Variants in POLN observed in about 807,000 individuals in gnomAD.
The protein encoded by POLN is DNA polymerase N.
Under a neutral mutation model 113.5 loss-of-function variants are expected in POLN, and 108 were observed. The ratio of observed to expected loss-of-function variants is 0.95; its 90% CI spans 0.81 to 1.12. POLN has a LOEUF of 1.12. Ranked by LOEUF, POLN falls within the 50% of genes most tolerant of loss-of-function variation. POLN has a pLI of 0.00. For synonymous variants in POLN, 386 were observed against 391.5 expected (o/e 0.99, Z 0.17); for missense variants, 1,097 against 1,077.1 (o/e 1.02, Z -0.26).
intron 2 of POLN, among the ~76,000 whole-genome samples, chr4:2,235,175 C>T (rs530073758): frequency 5.3e-5 from 8 of 152,360 alleles, no homozygotes; most frequent in African/African-American, 1.9e-4. Flanking sequence ...TGAGCCACCG[C>T]ACCCAGCCTA....
At position 2,155,578 on chromosome 4, in the gene POLN, GAC is replaced by G. The variant is rs57190737; in HGVS notation, c.1731+1208_1731+1209del. On this transcript the variant is annotated intron_variant, in intron 16 of 25. Transcript: ENST00000511885. ...CTTAATGGAGGGAACCCACGGGACA[GAC>G]ACATGTTACGGAGGGAAGGGAAAGA... Among the ~76,000 whole-genome samples the G allele has an allele frequency of 5.8e-3, 888 of 152,286 alleles. 6 individuals are homozygous for G. Among genetic ancestry groups the G allele is most frequent in the African/African-American group, 0.02 (850 of 41,546 alleles).
intron 5 of POLN, among the ~76,000 whole-genome samples, chr4:2,203,696 C>T (rs1172030256): frequency 6.6e-6 from 1 of 151,930 alleles, no homozygotes; most frequent in Non-Finnish European, 1.5e-5. Flanking sequence ...TCTAAGGTCA[C>T]ACCTCAAGGA....
rs529767729 is a variant in POLN, at chr4:2,080,807, C to T, written c.2387+151G>A. 5.2e-6 allele frequency: 8 copies of T among 1,524,348 alleles called. No homozygotes were observed. The South Asian group carries it at 7.6e-5, about 14-fold the overall frequency. The allele number at this position is 1,524,348 out of a possible 1,614,324, so 94.4% of individuals were successfully genotyped here. A position where few individuals can be genotyped will look rare whatever the true frequency, so the allele number is the denominator to read the frequency against. ...TGTCTGCATGCCTGCTGTGAGTAGC[C>T]CCCAGGGCCTTCCATGGGCTGAGAG... On this transcript the variant is annotated intron_variant, in intron 23 of 25. Transcript: ENST00000511885.
At position 2,072,218 on chromosome 4, in the gene POLN, C is replaced by CT; in HGVS notation, c.2598dup (p.Gly867ArgfsTer6). On this transcript the variant is annotated frameshift_variant, in exon 26 of 26. Transcript: ENST00000511885. LOFTEE classifies it low-confidence loss of function (END_TRUNC). ...CTGGGAGACTCAGTGCGACATGGGC[C>CT]TGGCGGAGGGCCCCAGGCCTCCTGC... 1 of 1,606,378 alleles carries CT rather than the reference C, an allele frequency of 6.2e-7. No individual in the cohort carries two copies. The highest frequency in any genetic ancestry group is 8.5e-7 in the Non-Finnish European group (1 of 1,175,656).
In POLN at chr4:2,188,736, T is replaced by A. The variant is rs1040212726; in HGVS notation, c.1021+4468A>T. 2.1e-5 allele frequency among the ~76,000 whole-genome samples: 3 copies of A among 141,332 alleles called. 1 individual carries two copies. The highest frequency in any genetic ancestry group is 1.4e-4 in the Admixed American group (2 of 14,598). 92.7% of individuals were successfully genotyped at this position (141,332 alleles called of 152,430 possible). On this transcript the variant is annotated intron_variant, in intron 7 of 25. Transcript: ENST00000511885. ...AACTCAGCATACTCTAACACTGAAA[T>A]TGTGGTATGCAATCCACCATAACTC... is the stretch of plus-strand genomic sequence containing the variant.
At chr4:2,239,103 G>T in intron 2 of POLN, 1 of 909,790 alleles carries the variant, frequency 1.1e-6, no homozygotes, top group Non-Finnish European at 1.6e-6. Context: ...ATCATCTTAA[G>T]ATTATTTTCA....
intron 5 of POLN, among the ~76,000 whole-genome samples, 167 bp downstream of exon 5, chr4:2,207,820 G>T (rs1386997544): frequency 6.6e-6 from 1 of 152,218 alleles, no homozygotes; most frequent in Non-Finnish European, 1.5e-5. Context: ...CAGTTTTACA[G>T]TTTCCTAAGA....
At chr4:2,217,902 C>A (rs1236697685) in intron 3 of POLN, among the ~76,000 whole-genome samples, 1 of 152,230 alleles carries the variant, frequency 6.6e-6, no homozygotes, top group African/African-American at 2.4e-5. Flanking sequence ...CCAGAGATGC[C>A]TATCAGGTGT....
intron 2 of POLN, among the ~76,000 whole-genome samples, chr4:2,234,714 A>G (rs929245954): frequency 6.6e-6 from 1 of 152,236 alleles, no homozygotes; most frequent in African/African-American, 2.4e-5. Context: ...AGACAAAACA[A>G]TATCAAGAGA....
intron 5 of POLN, among the ~76,000 whole-genome samples, chr4:2,199,589 T>G (rs1392021219): frequency 2.0e-5 from 3 of 152,168 alleles, no homozygotes; most frequent in Non-Finnish European, 4.4e-5. Flanking sequence ...TATTTTATTT[T>G]TTTTAGACAT....
intron 20 of POLN, chr4:2,090,147 A>C: frequency 9.9e-7 from 1 of 1,008,154 alleles, no homozygotes; most frequent in Non-Finnish European, 1.4e-6. Context: ...TTTGAACATT[A>C]TCAGCTGAAA....
intron 19 of POLN, among the ~76,000 whole-genome samples, chr4:2,109,012 A>T (rs1731132448): frequency 6.6e-6 from 1 of 151,886 alleles, no homozygotes; most frequent in African/African-American, 2.4e-5. Flanking sequence ...GCTGCTTTGG[A>T]GGGTTTGTAG....
Position 2,147,643 on chromosome 4 carries a change from C to CTTTTTTTTTTTTT in POLN, c.1731+9132_1731+9144dup, listed in dbSNP as rs747184067. 8.6e-3 allele frequency among the ~76,000 whole-genome samples: 681 copies of CTTTTTTTTTTTTT among 79,174 alleles called. 32 individuals carry two copies. Among genetic ancestry groups the CTTTTTTTTTTTTT allele is most frequent in the Non-Finnish European group, 9.8e-3 (382 of 38,956 alleles). The allele number at this position is 79,174 out of a possible 152,430, so 51.9% of individuals were successfully genotyped here. ...AGATCAGACATCCAGTTTTTCTTTT[C>CTTTTTTTTTTTTT]TTTTTTTTTTTTTTTTGAGACAAAG... On this transcript the variant is annotated intron_variant, in intron 16 of 25. Coordinates refer to ENST00000511885, the MANE Select transcript of POLN (RefSeq NM_181808.4).
At chr4:2,106,582 C>T (rs929406292) in intron 19 of POLN, among the ~76,000 whole-genome samples, 1 of 152,202 alleles carries the variant, frequency 6.6e-6, no homozygotes, top group African/African-American at 2.4e-5. Flanking sequence ...CCTCTTTCAG[C>T]ACACACAGGA....
intron 8 of POLN, among the ~76,000 whole-genome samples, 177 bp from the exon 9 acceptor site, chr4:2,176,511 C>T (rs6599415): frequency 0.25 from 37,498 of 152,110 alleles, 7,145 homozygotes; most frequent in African/African-American, 0.51. Flanking sequence ...AAGTTCGCAT[C>T]TGTAGAAAGT....
At chr4:2,206,589 A>T (rs1024294517) in intron 5 of POLN, among the ~76,000 whole-genome samples, 4 of 152,240 alleles carry the variant, frequency 2.6e-5, no homozygotes, top group Admixed American at 1.3e-4. Context: ...TGGGCTAAGG[A>T]CATGAATAGA....
At chr4:2,236,747 C>A (rs942299210) in intron 2 of POLN, among the ~76,000 whole-genome samples, 2 of 151,866 alleles carry the variant, frequency 1.3e-5, no homozygotes, top group Non-Finnish European at 2.9e-5. Context: ...CCTATAGTCC[C>A]AGATACTCCG....
At chr4:2,235,996 A>G (rs1404004385) in intron 2 of POLN, among the ~76,000 whole-genome samples, 2 of 152,204 alleles carry the variant, frequency 1.3e-5, no homozygotes, top group Non-Finnish European at 2.9e-5. Context: ...AACATTACAT[A>G]TTCTTTTGTG....
At chr4:2,203,927 T>C (rs1733779157) in intron 5 of POLN, among the ~76,000 whole-genome samples, 1 of 151,804 alleles carries the variant, frequency 6.6e-6, no homozygotes, top group Non-Finnish European at 1.5e-5. Flanking sequence ...CTGACCAATA[T>C]GGTGAAACCC....
Sources: gnomAD v4.1 joint callset for allele counts (sites outside exome capture counted in the v4.1 genomes callset) on GRCh38, gnomAD v4.1.1 for gene constraint, MANE v1.5 for transcripts, NCBI Gene and HGNC (gene_info 2026-07-23, HGNC 2026-07-21) for gene names.